GRM7: variants seen among roughly 807,000 people sequenced by gnomAD.
The protein encoded by GRM7 is metabotropic glutamate receptor 7.
GRM7 carries 35 observed loss-of-function variants against 84.5 expected under a neutral mutation model. That is an observed-to-expected ratio of 0.41 (90% CI 0.32 to 0.55). The LOEUF is 0.55. GRM7 is among the 20% of genes least tolerant of loss of function. The pLI is 0.19. For missense variants in GRM7, 1,003 were observed against 1,194.6 expected (o/e 0.84, Z 2.36); for synonymous variants, 487 against 455.1 (o/e 1.07, Z -0.89).
intron 1 of GRM7, among the ~76,000 whole-genome samples, chr3:6,954,995 AGGAGTGATT>A (rs1185390030): frequency 6.6e-6 from 1 of 152,190 alleles, no homozygotes; most frequent in Non-Finnish European, 1.5e-5. Context: ...CAGGGGTTGA[AGGAGTGATT>A]GTATTATAAA....
chr3:6,898,173 A>G (rs1239996174), intron 1 of GRM7, among the ~76,000 whole-genome samples: 1 of 152,194 alleles, frequency 6.6e-6, no homozygotes, highest in Admixed American at 6.5e-5. Flanking sequence ...ATATATTGTC[A>G]GCTGTAAAAT....
intron 2 of GRM7, among the ~76,000 whole-genome samples, chr3:7,275,153 C>G (rs1181094986): frequency 1.3e-5 from 2 of 151,982 alleles, no homozygotes; most frequent in Non-Finnish European, 2.9e-5. Context: ...CTTAAAATTC[C>G]CATCTCTCTA....
chr3:7,477,950 A>G (rs544663463), intron 7 of GRM7, among the ~76,000 whole-genome samples: 22 of 152,290 alleles, frequency 1.4e-4, no homozygotes, highest in South Asian at 1.0e-3. Flanking sequence ...GTCCTTAATC[A>G]TGATCCAATC....
intron 1 of GRM7, among the ~76,000 whole-genome samples, chr3:6,969,608 T>C (rs1168772696): frequency 6.6e-6 from 1 of 152,196 alleles, no homozygotes; most frequent in Non-Finnish European, 1.5e-5. Context: ...CCTTAATGAA[T>C]AGTTAATGAA....
intron 9 of GRM7, among the ~76,000 whole-genome samples, chr3:7,725,733 T>G (rs942516377): frequency 1.3e-5 from 2 of 152,234 alleles, no homozygotes; most frequent in Non-Finnish European, 2.9e-5. Context: ...GATGCATGAC[T>G]TAGTCCAGAT....
At chr3:7,331,357 G>A (rs1701201294) in intron 4 of GRM7, among the ~76,000 whole-genome samples, 1 of 152,218 alleles carries the variant, frequency 6.6e-6, no homozygotes. Flanking sequence ...AGAGCTGGAA[G>A]ATTGGAGAAT....
At chr3:7,509,084 G>A (rs73117803) in intron 7 of GRM7, among the ~76,000 whole-genome samples, 15,294 of 152,064 alleles carry the variant, frequency 0.1, 1,009 homozygotes, top group African/African-American at 0.19. Context: ...CCCAGGATGT[G>A]AATCATTCCT....
chr3:7,039,836 G>A (rs1696528237), intron 1 of GRM7, among the ~76,000 whole-genome samples: 1 of 152,132 alleles, frequency 6.6e-6, no homozygotes, highest in African/African-American at 2.4e-5. Context: ...TGGGTAGAAT[G>A]CTTATTTCCC....
At chr3:7,691,210 T>C (rs1700788864) in intron 9 of GRM7, 1 of 1,204,116 alleles carries the variant, frequency 8.3e-7, no homozygotes, top group African/African-American at 1.6e-5. Context: ...TTTTTCATAG[T>C]AACCTCTGAG....
intron 2 of GRM7, among the ~76,000 whole-genome samples, chr3:7,168,402 A>G (rs1574984159): frequency 6.6e-6 from 1 of 152,162 alleles, no homozygotes; most frequent in African/African-American, 2.4e-5. Flanking sequence ...AGATGAGGTC[A>G]TGAAGGTCGG....
At chr3:7,214,638 C>T (rs1195089243) in intron 2 of GRM7, among the ~76,000 whole-genome samples, 1 of 152,160 alleles carries the variant, frequency 6.6e-6, no homozygotes, top group African/African-American at 2.4e-5. Flanking sequence ...TATTTAATTG[C>T]TGAACAAATG....
chr3:7,178,998 C>T (rs537299690), intron 2 of GRM7, among the ~76,000 whole-genome samples: 11 of 151,926 alleles, frequency 7.2e-5, no homozygotes, highest in African/African-American at 1.9e-4. Context: ...CCTAGTTACT[C>T]GGGAGGCTGA....
At chr3:6,921,111 A>G (rs1425109337) in intron 1 of GRM7, among the ~76,000 whole-genome samples, 1 of 152,206 alleles carries the variant, frequency 6.6e-6, no homozygotes, top group East Asian at 1.9e-4. Flanking sequence ...CAGCAAATGT[A>G]TTAGTCCATG....
intron 1 of GRM7, among the ~76,000 whole-genome samples, chr3:6,951,596 G>T (rs527370043): frequency 5.9e-5 from 9 of 152,254 alleles, no homozygotes; most frequent in Admixed American, 2.6e-4. Flanking sequence ...GATATTTCTA[G>T]AGATCTTTCT....
chr3:7,059,249 A>G (rs1484856616), intron 1 of GRM7, among the ~76,000 whole-genome samples: 5 of 151,804 alleles, frequency 3.3e-5, no homozygotes, highest in Admixed American at 6.6e-5. Context: ...TCTACACAGG[A>G]CAGAGAAATT....
At chr3:7,691,023 T>TATC (rs765729347) in intron 9 of GRM7, 15 of 360,400 alleles carry the variant, frequency 4.2e-5, no homozygotes, top group South Asian at 2.9e-4. Flanking sequence ...ACTAAAGATG[T>TATC]ATCTCAACTT....
intron 1 of GRM7, among the ~76,000 whole-genome samples, chr3:6,906,317 C>T (rs1468897535): frequency 6.6e-6 from 1 of 152,064 alleles, no homozygotes; most frequent in Non-Finnish European, 1.5e-5. Context: ...CATGCTGAAG[C>T]TAAGTCAGTG....
chr3:6,981,520 A>G (rs1383447963), intron 1 of GRM7, among the ~76,000 whole-genome samples: 1 of 152,186 alleles, frequency 6.6e-6, no homozygotes, highest in Non-Finnish European at 1.5e-5. Flanking sequence ...CTTGAGCACA[A>G]GACTTGTAAT....
At chr3:7,100,304 C>G (rs977138419) in intron 1 of GRM7, among the ~76,000 whole-genome samples, 5 of 151,584 alleles carry the variant, frequency 3.3e-5, no homozygotes, top group Admixed American at 2.0e-4. Flanking sequence ...GTAGGATTGT[C>G]TCTCTGGGAT....
Sources: gnomAD v4.1 joint callset for allele counts (sites outside exome capture counted in the v4.1 genomes callset) on GRCh38, gnomAD v4.1.1 for gene constraint, MANE v1.5 for transcripts, NCBI Gene and HGNC (gene_info 2026-07-23, HGNC 2026-07-21) for gene names.